Variants in RAB38 observed in about 807,000 individuals in gnomAD.
The protein encoded by RAB38 is RAB38, member RAS oncogene family, also known as ras-related protein Rab-38.
In RAB38, 15 loss-of-function variants were observed where a neutral mutation model predicts 18.4. That is an observed-to-expected ratio of 0.82 (90% confidence interval 0.55 to 1.26). The LOEUF is 1.26. Ranked by LOEUF, RAB38 falls within the 50% of genes most tolerant of loss-of-function variation. RAB38 has a pLI of 0.00. For synonymous variants in RAB38, 101 were observed against 104.4 expected (o/e 0.97, Z 0.20); for missense variants, 294 against 267.4 (o/e 1.10, Z -0.69).
chr11:88,032,693 G>A, the RAB38 span, among the ~76,000 whole-genome samples: 4 of 152,204 alleles, frequency 2.6e-5, no homozygotes, highest in Admixed American at 2.6e-4. Context: ...TCTCACACCA[G>A]TTAGAATGGC....
At chr11:88,174,193 A>G in intron 1 of RAB38, 1 of 692,780 alleles carries the variant, frequency 1.4e-6, no homozygotes, top group South Asian at 6.4e-5. Flanking sequence ...AGACTTGTCC[A>G]AAGCCACTGA....
the RAB38 span, among the ~76,000 whole-genome samples, chr11:87,929,741 T>A: frequency 1.7e-5 from 2 of 114,632 alleles, no homozygotes; most frequent in East Asian, 6.2e-4. Context: ...CAGGCCCCGG[T>A]GTGTGACGTT....
chr11:87,872,677 T>C, the RAB38 span, among the ~76,000 whole-genome samples: 3 of 151,596 alleles, frequency 2.0e-5, no homozygotes, highest in East Asian at 5.8e-4. Context: ...TATCATATGG[T>C]TGGAATCTTT....
the RAB38 span, among the ~76,000 whole-genome samples, chr11:87,841,893 T>C: frequency 6.6e-6 from 1 of 152,202 alleles, no homozygotes; most frequent in Non-Finnish European, 1.5e-5. Flanking sequence ...ATTTGGAGAA[T>C]ATGAACATTT....
chr11:88,090,279 T>A, the RAB38 span, among the ~76,000 whole-genome samples: 1 of 152,002 alleles, frequency 6.6e-6, no homozygotes, highest in Non-Finnish European at 1.5e-5. Flanking sequence ...TTCTTTTTCT[T>A]TAGTCAAATT....
At chr11:88,125,801 C>T (rs111546144) in intron 2 of RAB38, among the ~76,000 whole-genome samples, 4 of 152,260 alleles carry the variant, frequency 2.6e-5, no homozygotes, top group African/African-American at 9.6e-5. Flanking sequence ...ATGCCTATGT[C>T]CTGAATGGTA....
chr11:88,115,407 TAAG>T (rs1445658877), intron 2 of RAB38: 2 of 152,214 alleles, frequency 1.3e-5, no homozygotes, highest in East Asian at 3.8e-4. Context: ...TTGGAAAATA[TAAG>T]AAGTACTGTT....
the RAB38 span, among the ~76,000 whole-genome samples, chr11:88,053,422 CAT>C: frequency 4.1e-3 from 422 of 103,628 alleles, 30 homozygotes; most frequent in African/African-American, 0.014. Context: ...TATACACACA[CAT>C]ATATATGGAA....
At chr11:87,917,081 G>T in the RAB38 span, among the ~76,000 whole-genome samples, 1 of 152,246 alleles carries the variant, frequency 6.6e-6, no homozygotes, top group South Asian at 2.1e-4. Context: ...GGACATGAGG[G>T]CCAAAACCTT....
the RAB38 span, among the ~76,000 whole-genome samples, chr11:88,005,396 A>C: frequency 7.6e-6 from 1 of 131,774 alleles, no homozygotes; most frequent in East Asian, 2.8e-4. Flanking sequence ...AATAAAAACC[A>C]TTAAAAAAAA....
At chr11:87,935,843 C>A in the RAB38 span, among the ~76,000 whole-genome samples, 2 of 152,078 alleles carry the variant, frequency 1.3e-5, no homozygotes, top group Admixed American at 6.6e-5. Context: ...AAACATTATG[C>A]ACTCCACTTA....
chr11:87,866,556 T>C, the RAB38 span, among the ~76,000 whole-genome samples: 3 of 151,804 alleles, frequency 2.0e-5, no homozygotes, highest in Admixed American at 1.3e-4. Context: ...GCTCTGCCTC[T>C]GTGATGTATA....
At chr11:88,040,652 G>A in the RAB38 span, among the ~76,000 whole-genome samples, 51 of 152,198 alleles carry the variant, frequency 3.4e-4, no homozygotes, top group South Asian at 6.2e-4. Context: ...TCAGTGAGCC[G>A]TGACTGCACC....
At chr11:87,916,194 A>G in the RAB38 span, among the ~76,000 whole-genome samples, 1 of 152,124 alleles carries the variant, frequency 6.6e-6, no homozygotes, top group Non-Finnish European at 1.5e-5. Flanking sequence ...TGTATTTTAT[A>G]TGAGAGATGG....
At chr11:87,960,094 A>G in the RAB38 span, among the ~76,000 whole-genome samples, 1 of 152,154 alleles carries the variant, frequency 6.6e-6, no homozygotes, top group African/African-American at 2.4e-5. Flanking sequence ...CTGGGATATG[A>G]ACCCAAATCT....
At chr11:87,894,042 C>T in the RAB38 span, among the ~76,000 whole-genome samples, 1 of 151,682 alleles carries the variant, frequency 6.6e-6, no homozygotes, top group East Asian at 2.0e-4. Flanking sequence ...TCTTCCAATC[C>T]ATAAACATGG....
intron 1 of RAB38, among the ~76,000 whole-genome samples, chr11:88,159,068 G>A: frequency 6.6e-6 from 1 of 151,896 alleles, no homozygotes; most frequent in South Asian, 2.1e-4. Context: ...CAGGCTTCTA[G>A]AACTGATAAA....
downstream of RAB38, chr11:88,113,194 TC>T (rs1942496778): frequency 7.2e-6 from 1 of 138,584 alleles, no homozygotes; most frequent in Non-Finnish European, 1.5e-5. Context: ...GTTTACTTTG[TC>T]CGAAAAAAAA....
chr11:88,138,254 T>A (rs147913580), intron 2 of RAB38, among the ~76,000 whole-genome samples: 16 of 152,296 alleles, frequency 1.1e-4, no homozygotes, highest in African/African-American at 3.9e-4. Flanking sequence ...ATAATGGAAA[T>A]TTTTTAAAAC....
Sources: allele counts gnomAD v4.1 joint callset (sites outside exome capture counted in the v4.1 genomes callset), GRCh38; gene constraint gnomAD v4.1.1; transcripts MANE v1.5; gene names NCBI Gene and HGNC (gene_info 2026-07-23, HGNC 2026-07-21).